Variants in PDSS2 observed in about 807,000 individuals in gnomAD.
PDSS2 encodes the protein all trans-polyprenyl-diphosphate synthase PDSS2.
Under a neutral mutation model 44.5 loss-of-function variants are expected in PDSS2, and 31 were observed. The observed-to-expected ratio is 0.70, with a 90% CI of 0.52 to 0.94. The LOEUF (loss-of-function observed/expected upper bound fraction) is 0.94. Among genes scored for constraint, PDSS2 ranks in the 40% least tolerant of loss-of-function variants. The probability of loss-of-function intolerance (pLI) is 0.00; values close to 1 mark genes in which losing one functional copy is unlikely to be tolerated. For missense variants in PDSS2, 452 were observed against 482.2 expected (o/e 0.94, Z 0.59); for synonymous variants, 157 against 180.3 (o/e 0.87, Z 1.03).
chr6:107,365,213 T>A (rs559795437), intron 1 of PDSS2, among the ~76,000 whole-genome samples: 1 of 152,242 alleles, frequency 6.6e-6, no homozygotes, highest in South Asian at 2.1e-4. Context: ...TAGAAATATA[T>A]TTAACAATAG....
chr6:107,256,678 A>G (rs1044035516), intron 3 of PDSS2, among the ~76,000 whole-genome samples: 1 of 152,226 alleles, frequency 6.6e-6, no homozygotes, highest in African/African-American at 2.4e-5. Context: ...TGATGCTACT[A>G]GTACTGTGTT....
intron 1 of PDSS2, among the ~76,000 whole-genome samples, chr6:107,364,084 G>A (rs1167096608): frequency 6.6e-6 from 1 of 152,216 alleles, no homozygotes; most frequent in Admixed American, 6.5e-5. Context: ...CAAACCTTGA[G>A]CTAAACACAG....
At chr6:107,290,868 T>TC (rs1776322799) in intron 2 of PDSS2, among the ~76,000 whole-genome samples, 1 of 152,182 alleles carries the variant, frequency 6.6e-6, no homozygotes, top group African/African-American at 2.4e-5. Context: ...ACTAGCTTTT[T>TC]TCCCCCCACT....
intron 1 of PDSS2, among the ~76,000 whole-genome samples, chr6:107,432,477 T>C (rs1781220883): frequency 6.6e-6 from 1 of 152,218 alleles, no homozygotes. Flanking sequence ...TAAGCATTTC[T>C]TTGGGTAGTG....
intron 1 of PDSS2, among the ~76,000 whole-genome samples, chr6:107,361,256 A>C (rs1208829959): frequency 6.6e-6 from 1 of 152,208 alleles, no homozygotes; most frequent in African/African-American, 2.4e-5. Flanking sequence ...TAAATATTGA[A>C]GGTAAACACC....
chr6:107,310,424 C>T (rs1005963015), intron 2 of PDSS2, among the ~76,000 whole-genome samples: 1 of 152,038 alleles, frequency 6.6e-6, no homozygotes, highest in African/African-American at 2.4e-5. Flanking sequence ...CCCAGAGAGA[C>T]TTTTCATCTA....
chr6:107,239,139 T>G (rs1448857944), intron 4 of PDSS2, among the ~76,000 whole-genome samples: 1 of 151,948 alleles, frequency 6.6e-6, no homozygotes, highest in Non-Finnish European at 1.5e-5. Flanking sequence ...TAGCCGGGCA[T>G]GGTGGTACAC....
intron 4 of PDSS2, among the ~76,000 whole-genome samples, chr6:107,221,371 A>G (rs1019277240): frequency 9.9e-5 from 14 of 140,766 alleles, no homozygotes; most frequent in Admixed American, 3.6e-4. Context: ...AAAAAAAAAG[A>G]TACACCTATA....
chr6:107,218,145 A>G (rs1773478401), intron 4 of PDSS2, among the ~76,000 whole-genome samples: 1 of 152,182 alleles, frequency 6.6e-6, no homozygotes, highest in African/African-American at 2.4e-5. Context: ...CTGTGTGTAC[A>G]CCCTGAATTG....
intron 4 of PDSS2, among the ~76,000 whole-genome samples, chr6:107,216,716 G>C (rs1245672034): frequency 2.0e-5 from 3 of 152,032 alleles, no homozygotes; most frequent in Non-Finnish European, 4.4e-5. Context: ...AAGTTCATAT[G>C]GGAAAAATAA....
At chr6:107,364,060 G>C (rs867872188) in intron 1 of PDSS2, among the ~76,000 whole-genome samples, 3 of 152,110 alleles carry the variant, frequency 2.0e-5, no homozygotes, top group Non-Finnish European at 2.9e-5. Context: ...ACAGAGCGTC[G>C]ACTGGTGCAC....
chr6:107,287,675 C>T (rs1163046623), intron 2 of PDSS2, among the ~76,000 whole-genome samples: 2 of 152,122 alleles, frequency 1.3e-5, no homozygotes, highest in Non-Finnish European at 2.9e-5. Context: ...GCATACACCA[C>T]CACACCTGGC....
chr6:107,212,567 G>C (rs1296383377), intron 4 of PDSS2, among the ~76,000 whole-genome samples: 1 of 152,168 alleles, frequency 6.6e-6, no homozygotes, highest in African/African-American at 2.4e-5. Flanking sequence ...AAGGGAAAAA[G>C]TAGAAAGACT....
rs148292830 is a variant in PDSS2, at chr6:107,296,022, C to A, written c.432-21795G>T. ...GAGAAGTGAGTTAAAAATGTCATTT[C>A]TAAGCAAAGCTGGGTCGTGGTTCAC... On this transcript the variant is annotated intron_variant, in intron 2 of 7. Transcript: ENST00000369037. 9.2e-5 allele frequency among the ~76,000 whole-genome samples: 14 copies of A among 152,246 alleles called. No homozygotes were observed. In the East Asian group the frequency reaches 2.7e-3, roughly 29 times the overall value.
chr6:107,210,205 G>C (rs965630837), intron 6 of PDSS2, among the ~76,000 whole-genome samples: 1 of 152,156 alleles, frequency 6.6e-6, no homozygotes, highest in Non-Finnish European at 1.5e-5. Flanking sequence ...ACAGGCACTA[G>C]TTTTGTGTTG....
At chr6:107,296,463 C>T (rs138156432) in intron 2 of PDSS2, among the ~76,000 whole-genome samples, 336 of 152,282 alleles carry the variant, frequency 2.2e-3, no homozygotes, top group African/African-American at 7.8e-3. Context: ...TGGTGGCTCA[C>T]GCCCGTAATC....
At chr6:107,368,033 G>A (rs568348738) in intron 1 of PDSS2, among the ~76,000 whole-genome samples, 30 of 152,232 alleles carry the variant, frequency 2.0e-4, no homozygotes, top group Admixed American at 5.2e-4. Context: ...CACTTTGGGA[G>A]GTCAAGGAGG....
intron 1 of PDSS2, among the ~76,000 whole-genome samples, chr6:107,345,336 A>G (rs1345237704): frequency 1.3e-5 from 2 of 148,422 alleles, no homozygotes; most frequent in Non-Finnish European, 3.0e-5. Flanking sequence ...CTCATCTAGT[A>G]TGTAGGCCTG....
chr6:107,410,090 T>C (rs1017217972), intron 1 of PDSS2, among the ~76,000 whole-genome samples: 1 of 152,092 alleles, frequency 6.6e-6, no homozygotes, highest in African/African-American at 2.4e-5. Flanking sequence ...AGGGGAAGCA[T>C]GCTGAATGAA....
Sources: allele counts gnomAD v4.1 joint callset (sites outside exome capture counted in the v4.1 genomes callset), GRCh38; gene constraint gnomAD v4.1.1; transcripts MANE v1.5; gene names NCBI Gene and HGNC (gene_info 2026-07-23, HGNC 2026-07-21).